Variants in SGCD observed in about 807,000 individuals in gnomAD.
SGCD encodes sarcoglycan delta.
Under a neutral mutation model 36.6 loss-of-function variants are expected in SGCD, and 18 were observed. The ratio of observed to expected loss-of-function variants is 0.49; its 90% CI spans 0.34 to 0.73. SGCD has a LOEUF of 0.73. Ranked by LOEUF, SGCD falls within the 30% of genes least tolerant of loss-of-function variation. The pLI, the probability that SGCD is intolerant of heterozygous loss-of-function variation, is 0.01. For synonymous variants in SGCD, 133 were observed against 130.6 expected (o/e 1.02, Z -0.12); for missense variants, 387 against 346.7 (o/e 1.12, Z -0.92).
chr5:156,259,773 C>A (rs1463160528), intron 3 of SGCD, among the ~76,000 whole-genome samples: 3 of 152,000 alleles, frequency 2.0e-5, no homozygotes, highest in South Asian at 2.1e-4. Context: ...CAGGGTGGGG[C>A]CCCCATAGTA....
At chr5:156,633,204 G>A (rs1417124794) in intron 6 of SGCD, among the ~76,000 whole-genome samples, 1 of 152,180 alleles carries the variant, frequency 6.6e-6, no homozygotes, top group Non-Finnish European at 1.5e-5. Flanking sequence ...GTAAGTGTTA[G>A]TTATTATTGT....
At chr5:156,554,181 C>A (rs1449651648) in intron 4 of SGCD, among the ~76,000 whole-genome samples, 1 of 151,992 alleles carries the variant, frequency 6.6e-6, no homozygotes, top group Non-Finnish European at 1.5e-5. Flanking sequence ...CATGATGAAA[C>A]CCCATCTCTA....
chr5:156,304,901 G>T lies in SGCD; in HGVS notation c.-43-24633G>T, dbSNP rs140844676. ...AAGAGACTAGTTGCATTTTGCCCCTGCCCTGGAGATTTGTGGAACTTTGAA... is the reference window on the plus strand; with the variant it reads ...AAGAGACTAGTTGCATTTTGCCCCTTCCCTGGAGATTTGTGGAACTTTGAA... On this transcript the variant is annotated intron_variant, in intron 3 of 9. Transcript: ENST00000517913. 5.3e-3 allele frequency among the ~76,000 whole-genome samples: 809 copies of T among 152,268 alleles called. 3 individuals carry two copies. The highest frequency in any genetic ancestry group is 0.017 in the African/African-American group (716 of 41,542).
At chr5:156,183,431 A>C (rs1004223571) in intron 3 of SGCD, among the ~76,000 whole-genome samples, 2 of 152,152 alleles carry the variant, frequency 1.3e-5, no homozygotes, top group African/African-American at 2.4e-5. Context: ...TTTTTGAGAC[A>C]GAGTCTTGCT....
chr5:155,993,070 A>T (rs934469699), intron 1 of SGCD, among the ~76,000 whole-genome samples: 1 of 152,106 alleles, frequency 6.6e-6, no homozygotes, highest in Non-Finnish European at 1.5e-5. Context: ...TTCTGAAATG[A>T]TCCAAACCAG....
the SGCD span, among the ~76,000 whole-genome samples, chr5:155,808,064 G>T: frequency 6.6e-6 from 1 of 152,108 alleles, no homozygotes; most frequent in African/African-American, 2.4e-5. Flanking sequence ...TCTGCCTTTG[G>T]CACTGAAGTC....
At chr5:156,058,593 A>C (rs1760122799) in intron 1 of SGCD, among the ~76,000 whole-genome samples, 1 of 145,870 alleles carries the variant, frequency 6.9e-6, no homozygotes, top group Admixed American at 6.9e-5. Flanking sequence ...GTGGGCCTAA[A>C]TTTTATCCTG....
At chr5:155,754,374 C>T in the SGCD span, among the ~76,000 whole-genome samples, 1 of 152,152 alleles carries the variant, frequency 6.6e-6, no homozygotes, top group East Asian at 1.9e-4. Context: ...AGCAGGCAGG[C>T]CATGAATAGC....
At chr5:156,209,218 T>C (rs1332210196) in intron 3 of SGCD, among the ~76,000 whole-genome samples, 2 of 152,202 alleles carry the variant, frequency 1.3e-5, no homozygotes, top group Non-Finnish European at 2.9e-5. Context: ...ACTTGGTCTC[T>C]GTGTTTTCTC....
chr5:156,647,600 G>C, intron 7 of SGCD, 64 bp downstream of exon 7: 1 of 1,037,550 alleles, frequency 9.6e-7, no homozygotes, highest in Non-Finnish European at 1.5e-6. Flanking sequence ...CAACTGGCCA[G>C]TGATTCATTC....
intron 1 of SGCD, among the ~76,000 whole-genome samples, chr5:155,971,537 A>T (rs997983553): frequency 6.6e-6 from 1 of 152,094 alleles, no homozygotes; most frequent in Non-Finnish European, 1.5e-5. Flanking sequence ...TTTTCCTCTG[A>T]TTAGCCTATT....
intron 3 of SGCD, among the ~76,000 whole-genome samples, chr5:156,244,883 A>G (rs1765402768): frequency 1.3e-5 from 2 of 152,222 alleles, no homozygotes; most frequent in African/African-American, 4.8e-5. Flanking sequence ...ACATGTGGCC[A>G]ATCTTGTTTC....
chr5:155,862,146 AG>A, the SGCD span, among the ~76,000 whole-genome samples: 2,763 of 152,278 alleles, frequency 0.018, 94 homozygotes, highest in African/African-American at 0.063. Flanking sequence ...TATGATTTCT[AG>A]GATGCAAATG....
intron 3 of SGCD, among the ~76,000 whole-genome samples, chr5:156,461,299 ATGTACT>A (rs1442177942): frequency 6.6e-6 from 1 of 152,132 alleles, no homozygotes; most frequent in Non-Finnish European, 1.5e-5. Flanking sequence ...AGGCTATTTG[ATGTACT>A]TGGTCTTTCC....
the SGCD span, among the ~76,000 whole-genome samples, chr5:155,776,221 T>C: frequency 6.6e-6 from 1 of 152,146 alleles, no homozygotes; most frequent in African/African-American, 2.4e-5. Flanking sequence ...CAATTCTTTC[T>C]TGATAACTCC....
intron 3 of SGCD, among the ~76,000 whole-genome samples, chr5:156,399,544 G>A (rs1468283566): frequency 6.6e-6 from 1 of 152,182 alleles, no homozygotes; most frequent in African/African-American, 2.4e-5. Context: ...TGTACTTGGG[G>A]CTTCCCGAAA....
chr5:156,098,978 G>C (rs1761450567), intron 1 of SGCD, among the ~76,000 whole-genome samples: 1 of 152,178 alleles, frequency 6.6e-6, no homozygotes, highest in Non-Finnish European at 1.5e-5. Context: ...GGGTTTGCCA[G>C]ATGTTGTCAT....
chr5:155,903,574 GA>G (rs1271243734), intron 1 of SGCD, among the ~76,000 whole-genome samples: 3 of 152,100 alleles, frequency 2.0e-5, no homozygotes, highest in Admixed American at 2.0e-4. Context: ...CCACATGGGG[GA>G]CAATGATTGT....
At chr5:156,310,044 T>C (rs548805108) in intron 3 of SGCD, among the ~76,000 whole-genome samples, 1 of 152,302 alleles carries the variant, frequency 6.6e-6, no homozygotes, top group Non-Finnish European at 1.5e-5. Flanking sequence ...CTTTAATTAT[T>C]ACAGGCTATT....
Sources: allele counts gnomAD v4.1 joint callset (sites outside exome capture counted in the v4.1 genomes callset), GRCh38; gene constraint gnomAD v4.1.1; transcripts MANE v1.5; gene names NCBI Gene and HGNC (gene_info 2026-07-23, HGNC 2026-07-21).